GPC5: variants seen among roughly 807,000 people sequenced by gnomAD.
GPC5 encodes the protein glypican 5.
In GPC5, 47 loss-of-function variants were observed where a neutral mutation model predicts 53.9. The ratio of observed to expected loss-of-function variants is 0.87; its 90% confidence interval spans 0.69 to 1.11. The LOEUF (loss-of-function observed/expected upper bound fraction) is 1.11. GPC5 is among the 50% of genes most tolerant of loss of function. The probability of loss-of-function intolerance (pLI) is 0.00; values close to 1 mark genes in which losing one functional copy is unlikely to be tolerated. For missense variants in GPC5, 748 were observed against 713.1 expected (o/e 1.05, Z -0.56); for synonymous variants, 286 against 263.3 (o/e 1.09, Z -0.84).
intron 7 of GPC5, among the ~76,000 whole-genome samples, chr13:92,685,136 G>A (rs1268906203): frequency 1.3e-5 from 2 of 150,676 alleles, no homozygotes; most frequent in Admixed American, 1.3e-4. Flanking sequence ...TGTCACCCAT[G>A]CTAGAGTGCA....
intron 7 of GPC5, among the ~76,000 whole-genome samples, chr13:92,247,031 T>A (rs2042656247): frequency 6.6e-6 from 1 of 152,152 alleles, no homozygotes; most frequent in African/African-American, 2.4e-5. Flanking sequence ...TTGCCCTGTG[T>A]GGGATTATTA....
chr13:92,222,766 T>C (rs2042458851), intron 7 of GPC5, among the ~76,000 whole-genome samples: 1 of 152,190 alleles, frequency 6.6e-6, no homozygotes, highest in Non-Finnish European at 1.5e-5. Context: ...CTCATAGGAT[T>C]TCAAGAATTT....
chr13:92,447,319 GAGAT>G (rs969316424), intron 7 of GPC5: 4 of 152,042 alleles, frequency 2.6e-5, no homozygotes, highest in African/African-American at 7.2e-5. Context: ...TAAATGTTGA[GAGAT>G]AGAAGTCTAG....
intron 7 of GPC5, among the ~76,000 whole-genome samples, chr13:92,771,763 A>G (rs963438376): frequency 1.3e-5 from 2 of 151,878 alleles, no homozygotes; most frequent in African/African-American, 2.4e-5. Flanking sequence ...ATCTCATCAA[A>G]CCCCATACCT....
chr13:91,493,628 T>C (rs1232944219), intron 2 of GPC5, among the ~76,000 whole-genome samples: 2 of 152,026 alleles, frequency 1.3e-5, no homozygotes, highest in Non-Finnish European at 2.9e-5. Context: ...AAAAACCAAC[T>C]CGCAAGGGGG....
rs1368955109 is a variant in GPC5, at chr13:91,728,535, A to G, written c.1024A>G (p.Asn342Asp). The G allele has an allele frequency of 6.2e-7, 1 of 1,610,120 alleles. No homozygotes were observed. The highest frequency in any genetic ancestry group is 1.7e-5 in the Admixed American group (1 of 59,520). ...LNGQKLLEQV[N>D]RICGRPVRTP... Reference sequence around the variant, plus strand: ...TTTAATGTTTTCTATTTAAAAGGTAAATAGGATTTGTGGCCGCCCTGTAAG... The same window carrying G: ...TTTAATGTTTTCTATTTAAAAGGTAGATAGGATTTGTGGCCGCCCTGTAAG... The change falls in exon 4 of 8, where the codon AAT (asparagine) becomes GAT (aspartate). Residue 342 changes from asparagine (N) to aspartate (D), a missense_variant. Physicochemically the swap from Asn to Asp is conservative, Grantham distance 23. Transcript: ENST00000377067.
In GPC5 at chr13:92,564,252, C is replaced by G. The variant is rs79299836; in HGVS notation, c.1562-302030C>G. On this transcript the variant is annotated intron_variant, in intron 7 of 7. Coordinates refer to ENST00000377067, the MANE Select transcript of GPC5 (RefSeq NM_004466.6). ...GCAGGTAAATGGGACCCAAAGCACC[C>G]TATTCTTCCCTGTGTCAATAGGTTT... Among the ~76,000 whole-genome samples, 292 of 151,994 alleles carry G rather than the reference C, an allele frequency of 1.9e-3. 1 individual carries two copies. Among genetic ancestry groups the G allele is most frequent in the African/African-American group, 6.3e-3 (263 of 41,498 alleles).
chr13:92,496,914 G>T lies in GPC5; in HGVS notation c.1561+351925G>T, dbSNP rs535180879. Among the ~76,000 whole-genome samples, 25 of 152,280 alleles carry T rather than the reference G, an allele frequency of 1.6e-4. No homozygotes were observed. The South Asian group carries it at 5.2e-3, about 32-fold the overall frequency. On this transcript the variant is annotated intron_variant, in intron 7 of 7. Coordinates refer to ENST00000377067, the MANE Select transcript of GPC5 (RefSeq NM_004466.6). ...TCAGAAGAAAGAATTCAACTGAGGG[G>T]CATAGGGCAGAGTGACAGAGTGAGA...
intron 2 of GPC5, among the ~76,000 whole-genome samples, chr13:91,475,033 G>A (rs1009020437): frequency 2.6e-5 from 4 of 152,108 alleles, no homozygotes; most frequent in South Asian, 4.1e-4. Flanking sequence ...TATAAAGAAC[G>A]TTACTATAAC....
At chr13:92,128,647 A>G (rs1432660525) in intron 6 of GPC5, among the ~76,000 whole-genome samples, 1 of 152,190 alleles carries the variant, frequency 6.6e-6, no homozygotes, top group African/African-American at 2.4e-5. Context: ...TTGTTGGACC[A>G]ATTGCAGGCA....
intron 6 of GPC5, among the ~76,000 whole-genome samples, chr13:92,136,543 A>G (rs114571103): frequency 1.3e-5 from 2 of 152,176 alleles, no homozygotes; most frequent in African/African-American, 4.8e-5. Context: ...CCATGTTTAC[A>G]TTTGAATGGG....
chr13:92,842,862 A>T (rs1594543953), intron 7 of GPC5, among the ~76,000 whole-genome samples: 1 of 152,296 alleles, frequency 6.6e-6, no homozygotes, highest in Non-Finnish European at 1.5e-5. Flanking sequence ...ATAATACTTA[A>T]CAATCATTCA....
intron 7 of GPC5, among the ~76,000 whole-genome samples, chr13:92,333,019 A>T (rs539270593): frequency 1.3e-5 from 2 of 152,326 alleles, no homozygotes; most frequent in South Asian, 4.1e-4. Flanking sequence ...CAGACAAGTG[A>T]ATATATTGGG....
chr13:92,527,157 AAAGAAAGAAAGAAAGAGAAAGAAAG>A (rs1566276641), intron 7 of GPC5, among the ~76,000 whole-genome samples: 95 of 124,078 alleles, frequency 7.7e-4, no homozygotes, highest in Admixed American at 1.4e-3. Context: ...AGAAAGAAAG[AAAGAAAGAAAGAAAGAGAAAGAAAG>A]AAGAAAGAAA....
intron 7 of GPC5, among the ~76,000 whole-genome samples, chr13:92,359,656 G>A (rs1278843662): frequency 6.6e-6 from 1 of 151,694 alleles, no homozygotes; most frequent in Non-Finnish European, 1.5e-5. Context: ...GGGAGGCACT[G>A]GGAAACTTAC....
chr13:92,033,559 C>T (rs1346981141), intron 6 of GPC5, among the ~76,000 whole-genome samples: 1 of 152,172 alleles, frequency 6.6e-6, no homozygotes, highest in Non-Finnish European at 1.5e-5. Flanking sequence ...ATGTACTGTA[C>T]ATGATACAAT....
intron 7 of GPC5, among the ~76,000 whole-genome samples, chr13:92,604,140 C>T (rs887970839): frequency 1.3e-5 from 2 of 152,192 alleles, no homozygotes; most frequent in Middle Eastern, 3.4e-3. Flanking sequence ...GCGGTATTAA[C>T]CCATTAGTTT....
At chr13:92,655,704 G>T (rs1886111248) in intron 7 of GPC5, among the ~76,000 whole-genome samples, 1 of 152,084 alleles carries the variant, frequency 6.6e-6, no homozygotes, top group Non-Finnish European at 1.5e-5. Context: ...CTGCCTGTTT[G>T]GGTTGAGCAA....
intron 5 of GPC5, among the ~76,000 whole-genome samples, chr13:91,768,104 A>T (rs146715720): frequency 1.4e-4 from 21 of 152,324 alleles, no homozygotes; most frequent in African/African-American, 5.1e-4. Flanking sequence ...TCCATATCAT[A>T]GCATATAAAT....
Sources: gnomAD v4.1 joint callset for allele counts (sites outside exome capture counted in the v4.1 genomes callset) on GRCh38, gnomAD v4.1.1 for gene constraint, MANE v1.5 for transcripts, NCBI Gene and HGNC (gene_info 2026-07-23, HGNC 2026-07-21) for gene names.